The following NXPH1 variants were observed in gnomAD, a reference collection of about 807,000 sequenced individuals.
NXPH1 encodes the protein neurexophilin 1, also known as neurexophilin-1.
Under a neutral mutation model 23.7 loss-of-function variants are expected in NXPH1, and 5 were observed. That is an observed-to-expected ratio of 0.21 (90% CI 0.11 to 0.44). The LOEUF (loss-of-function observed/expected upper bound fraction) is 0.44, where lower values mean the gene tolerates loss of function less well. Among genes scored for constraint, NXPH1 ranks in the 20% least tolerant of loss-of-function variants. The pLI is 0.99. For synonymous variants in NXPH1, 144 were observed against 122.2 expected (o/e 1.18, Z -1.18); for missense variants, 324 against 321.6 (o/e 1.01, Z -0.06).
intron 2 of NXPH1, among the ~76,000 whole-genome samples, chr7:8,473,392 ATTTG>A (rs767319561): frequency 6.6e-6 from 1 of 152,120 alleles, no homozygotes; most frequent in African/African-American, 2.4e-5. Context: ...CATGGTGACT[ATTTG>A]TTTGTATTCT....
At chr7:8,475,686 A>T (rs575736470) in intron 2 of NXPH1, among the ~76,000 whole-genome samples, 1 of 152,162 alleles carries the variant, frequency 6.6e-6, no homozygotes, top group South Asian at 2.1e-4. Flanking sequence ...CCCTTTCAGG[A>T]TATTAATGCT....
At chr7:8,580,814 G>A (rs1470204035) in intron 2 of NXPH1, among the ~76,000 whole-genome samples, 1 of 152,030 alleles carries the variant, frequency 6.6e-6, no homozygotes, top group Non-Finnish European at 1.5e-5. Context: ...AGAGCAATTA[G>A]GGCACCTGCT....
At chr7:8,581,840 A>C (rs1250733588) in intron 2 of NXPH1, among the ~76,000 whole-genome samples, 2 of 152,186 alleles carry the variant, frequency 1.3e-5, no homozygotes, top group Non-Finnish European at 2.9e-5. Flanking sequence ...CCATTTAAAC[A>C]AAGTAATAGT....
chr7:8,469,207 G>T (rs1816831677), intron 2 of NXPH1, among the ~76,000 whole-genome samples: 1 of 151,282 alleles, frequency 6.6e-6, no homozygotes, highest in Non-Finnish European at 1.5e-5. Flanking sequence ...GATTTTTTTG[G>T]GAAATTCTAC....
intron 2 of NXPH1, among the ~76,000 whole-genome samples, chr7:8,460,621 G>T (rs1293904486): frequency 1.3e-5 from 2 of 152,186 alleles, no homozygotes; most frequent in Non-Finnish European, 2.9e-5. Context: ...GCCTAGCTCT[G>T]ATCCCTCTAG....
chr7:8,482,964 ATACAT>A (rs1433309037), intron 2 of NXPH1, among the ~76,000 whole-genome samples: 1 of 152,206 alleles, frequency 6.6e-6, no homozygotes, highest in African/African-American at 2.4e-5. Flanking sequence ...TCTTCTCTAA[ATACAT>A]TACATTTTGT....
intron 2 of NXPH1, among the ~76,000 whole-genome samples, chr7:8,652,790 A>G (rs1820509811): frequency 6.6e-6 from 1 of 152,192 alleles, no homozygotes; most frequent in Admixed American, 6.6e-5. Flanking sequence ...GAAAAAACAT[A>G]ACTTGGATGT....
chr7:8,553,755 T>C (rs914217107), intron 2 of NXPH1, among the ~76,000 whole-genome samples: 5 of 151,724 alleles, frequency 3.3e-5, no homozygotes, highest in Middle Eastern at 6.8e-3. Flanking sequence ...CAAACACCCT[T>C]GGTTTGAAAA....
chr7:8,539,467 ATCTTT>A (rs1818077996), intron 2 of NXPH1, among the ~76,000 whole-genome samples: 1 of 151,834 alleles, frequency 6.6e-6, no homozygotes, highest in Admixed American at 6.6e-5. Context: ...AATACATACT[ATCTTT>A]TCTTTTCGTA....
intron 2 of NXPH1, among the ~76,000 whole-genome samples, chr7:8,683,762 A>C (rs1370527376): frequency 6.6e-6 from 1 of 152,176 alleles, no homozygotes; most frequent in African/African-American, 2.4e-5. Context: ...TTGTCACTTA[A>C]CAAATATATA....
chr7:8,576,175 T>G (rs1818751799), intron 2 of NXPH1, among the ~76,000 whole-genome samples: 1 of 152,174 alleles, frequency 6.6e-6, no homozygotes, highest in African/African-American at 2.4e-5. Context: ...TCCATGGTCT[T>G]AACTGTATTC....
At chr7:8,714,152 C>T (rs751846787) in intron 2 of NXPH1, among the ~76,000 whole-genome samples, 24 of 152,184 alleles carry the variant, frequency 1.6e-4, no homozygotes, top group Non-Finnish European at 3.5e-4. Context: ...AACCACTACA[C>T]AAAGTCTTTC....
chr7:8,674,179 A>G, intron 2 of NXPH1, among the ~76,000 whole-genome samples: 1 of 133,554 alleles, frequency 7.5e-6, no homozygotes. Context: ...ACACACACAC[A>G]CACACACACA....
At chr7:8,613,641 A>G (rs1195481548) in intron 2 of NXPH1, among the ~76,000 whole-genome samples, 2 of 152,006 alleles carry the variant, frequency 1.3e-5, no homozygotes, top group African/African-American at 2.4e-5. Context: ...ATGGTTCAGA[A>G]TACAGTTAGT....
Position 8,729,175 on chromosome 7 carries a change from C to T in NXPH1, c.55-21833C>T, listed in dbSNP as rs1227047607. Among the ~76,000 whole-genome samples the T allele has an allele frequency of 4.0e-5, 6 of 151,184 alleles. No individual in the cohort carries two copies. In the East Asian group the frequency reaches 5.8e-4, roughly 15 times the overall value. Reference sequence around the variant, plus strand: ...ATGGTAGTTTGTATTTCTGTGGGATCGGTGGTGATATCCCCTTTATCATTT... The same window carrying T: ...ATGGTAGTTTGTATTTCTGTGGGATTGGTGGTGATATCCCCTTTATCATTT... On this transcript the variant is annotated intron_variant, in intron 2 of 2. Coordinates refer to ENST00000405863, the MANE Select transcript of NXPH1 (RefSeq NM_152745.3).
intron 2 of NXPH1, among the ~76,000 whole-genome samples, chr7:8,538,178 T>A (rs1024763604): frequency 2.0e-5 from 3 of 151,944 alleles, no homozygotes; most frequent in Non-Finnish European, 4.4e-5. Flanking sequence ...TAAATATTGA[T>A]TCTCACAGTG....
At chr7:8,635,295 T>G (rs914228968) in intron 2 of NXPH1, among the ~76,000 whole-genome samples, 2 of 152,204 alleles carry the variant, frequency 1.3e-5, no homozygotes, top group Non-Finnish European at 1.5e-5. Context: ...CACAGCAGTC[T>G]TTGTTGCCTT....
At chr7:8,735,088 C>G (rs1456462221) in intron 2 of NXPH1, among the ~76,000 whole-genome samples, 2 of 152,278 alleles carry the variant, frequency 1.3e-5, no homozygotes, top group East Asian at 3.9e-4. Flanking sequence ...CATCTGCAAA[C>G]AGGGACAATT....
chr7:8,581,596 G>T (rs920575124), intron 2 of NXPH1, among the ~76,000 whole-genome samples: 7 of 152,174 alleles, frequency 4.6e-5, no homozygotes, highest in African/African-American at 1.7e-4. Flanking sequence ...TTCGACGTGA[G>T]ATTTGAGTGG....
Sources: allele counts gnomAD v4.1 joint callset (sites outside exome capture counted in the v4.1 genomes callset), GRCh38; gene constraint gnomAD v4.1.1; transcripts MANE v1.5; gene names NCBI Gene and HGNC (gene_info 2026-07-23, HGNC 2026-07-21).